Variants in AK4 observed in about 807,000 individuals in gnomAD.
AK4 encodes the protein adenylate kinase 4, mitochondrial.
Under a neutral mutation model 24.6 loss-of-function variants are expected in AK4, and 13 were observed. That is an observed-to-expected ratio of 0.53 (90% confidence interval 0.34 to 0.84). The LOEUF (loss-of-function observed/expected upper bound fraction) is 0.84. AK4 is among the 40% of genes least tolerant of loss of function. The pLI is 0.01. For synonymous variants in AK4, 88 were observed against 107.0 expected (o/e 0.82, Z 1.10); for missense variants, 192 against 288.2 (o/e 0.67, Z 2.42).
chr1:65,197,542 C>G (rs1651518718), intron 2 of AK4, among the ~76,000 whole-genome samples: 1 of 152,200 alleles, frequency 6.6e-6, no homozygotes, highest in African/African-American at 2.4e-5. Context: ...ATGTTGAACA[C>G]TAACAAGTGC....
At chr1:65,152,665 C>T (rs1012800878) in intron 1 of AK4, among the ~76,000 whole-genome samples, 1 of 151,716 alleles carries the variant, frequency 6.6e-6, no homozygotes, top group African/African-American at 2.4e-5. Flanking sequence ...TCCCAAAGTG[C>T]TGGGATTACA....
chr1:65,222,691 A>G (rs1447409537), intron 3 of AK4, among the ~76,000 whole-genome samples: 7 of 152,236 alleles, frequency 4.6e-5, no homozygotes, highest in African/African-American at 1.7e-4. Context: ...ACCATAGAAT[A>G]CACATGTGAT....
In AK4 at chr1:65,224,708, G is replaced by A. The variant is rs181170632; in HGVS notation, c.439-44G>A. The stretch of plus-strand genomic sequence containing the variant: ...AGAAAAGTTTTTAACCTATGAAATG[G>A]CCCAACTGTTGTCTATATTAATTGG... On this transcript the variant is annotated intron_variant, in intron 3 of 4. Coordinates refer to ENST00000327299, the MANE Select transcript of AK4 (RefSeq NM_013410.4). 7 of 1,520,540 alleles carry A rather than the reference G, an allele frequency of 4.6e-6. No homozygotes were observed. In the East Asian group the frequency reaches 1.6e-4, roughly 34 times the overall value. The allele number at this position is 1,520,540 out of a possible 1,614,324, so 94.2% of individuals were successfully genotyped here.
intron 2 of AK4, among the ~76,000 whole-genome samples, chr1:65,217,459 A>T (rs1411934053): frequency 1.3e-5 from 2 of 152,104 alleles, no homozygotes; most frequent in African/African-American, 4.8e-5. Context: ...TGCATCTTTT[A>T]TTATACTTTC....
intron 1 of AK4, among the ~76,000 whole-genome samples, chr1:65,172,961 C>T (rs997600477): frequency 1.2e-4 from 17 of 146,750 alleles, no homozygotes; most frequent in African/African-American, 4.3e-4. Flanking sequence ...TTTCCGAGTT[C>T]AAGCGATTCT....
intron 1 of AK4, among the ~76,000 whole-genome samples, chr1:65,171,380 C>T (rs372646255): frequency 3.4e-5 from 5 of 147,408 alleles, no homozygotes; most frequent in Admixed American, 1.4e-4. Flanking sequence ...GCACAATCTC[C>T]GCACTGCAAC....
chr1:65,210,051 C>T (rs904635285), intron 2 of AK4, among the ~76,000 whole-genome samples: 4 of 152,142 alleles, frequency 2.6e-5, no homozygotes, highest in African/African-American at 7.2e-5. Context: ...CAAGTGAAAT[C>T]CTCTCAAAAT....
intron 2 of AK4, among the ~76,000 whole-genome samples, chr1:65,205,044 G>A (rs1651774066): frequency 6.6e-6 from 1 of 152,124 alleles, no homozygotes; most frequent in Non-Finnish European, 1.5e-5. Context: ...ATTCAACACT[G>A]GGTTGACTGG....
At chr1:65,154,297 G>A (rs1040709627) in intron 1 of AK4, among the ~76,000 whole-genome samples, 40 of 152,320 alleles carry the variant, frequency 2.6e-4, no homozygotes, top group African/African-American at 8.9e-4. Flanking sequence ...GAATCCTAGG[G>A]TTTTGCCCTG....
At chr1:65,187,649 A>T (rs916000532) in intron 1 of AK4, among the ~76,000 whole-genome samples, 7 of 152,184 alleles carry the variant, frequency 4.6e-5, no homozygotes, top group African/African-American at 1.4e-4. Flanking sequence ...GAAGGTGAGG[A>T]TCTTATGAAG....
intron 1 of AK4, among the ~76,000 whole-genome samples, chr1:65,152,505 C>T (rs1418781460): frequency 2.1e-5 from 3 of 141,618 alleles, no homozygotes; most frequent in African/African-American, 7.9e-5. Context: ...CAGGTTCAAG[C>T]GATTCTTCTG....
At chr1:65,219,042 C>A in intron 3 of AK4, 116 bp downstream of exon 3, 3 of 682,922 alleles carry the variant, frequency 4.4e-6, no homozygotes, top group Non-Finnish European at 6.5e-6. Flanking sequence ...TCTACATGAC[C>A]AAAAAACATT....
intron 2 of AK4, among the ~76,000 whole-genome samples, chr1:65,212,771 A>G (rs12568459): frequency 0.4 from 60,602 of 152,058 alleles, 12,487 homozygotes; most frequent in East Asian, 0.67. Context: ...GAAAGAGAGA[A>G]CACTTTAGCA....
chr1:65,152,340 CTCTCTCTCTCTCTCTCTCTCTA>C (rs1465712275), intron 1 of AK4, among the ~76,000 whole-genome samples: 32 of 42,026 alleles, frequency 7.6e-4, no homozygotes, highest in African/African-American at 3.2e-3. Context: ...CTCTCTCTCT[CTCTCTCTCTCTCTCTCTCTCTA>C]TATATATATA....
intron 2 of AK4, among the ~76,000 whole-genome samples, chr1:65,198,972 T>C: frequency 6.6e-6 from 1 of 151,318 alleles, no homozygotes; most frequent in East Asian, 2.0e-4. Context: ...TCACAGCTTG[T>C]CAGAGGCTGA....
chr1:65,224,161 A>G (rs1431492432), intron 3 of AK4, among the ~76,000 whole-genome samples: 1 of 152,210 alleles, frequency 6.6e-6, no homozygotes, highest in African/African-American at 2.4e-5. Context: ...AGGTGAGGAC[A>G]CAGTCACTTC....
intron 1 of AK4, among the ~76,000 whole-genome samples, chr1:65,166,884 C>T (rs1194360992): frequency 1.3e-5 from 2 of 152,238 alleles, no homozygotes; most frequent in Non-Finnish European, 2.9e-5. Context: ...GTAATCCCAG[C>T]ACTTTGGAAG....
At chr1:65,159,647 T>C (rs1021935902) in intron 1 of AK4, among the ~76,000 whole-genome samples, 1 of 150,476 alleles carries the variant, frequency 6.6e-6, no homozygotes, top group Non-Finnish European at 1.5e-5. Context: ...CACCCCAGTC[T>C]GGGCAACAGA....
At chr1:65,173,698 C>T (rs1650616565) in intron 1 of AK4, among the ~76,000 whole-genome samples, 1 of 151,982 alleles carries the variant, frequency 6.6e-6, no homozygotes, top group South Asian at 2.1e-4. Flanking sequence ...CTCATCTCTA[C>T]AAAATACAAA....
Sources: gnomAD v4.1 joint callset for allele counts (sites outside exome capture counted in the v4.1 genomes callset) on GRCh38, gnomAD v4.1.1 for gene constraint, MANE v1.5 for transcripts, NCBI Gene and HGNC (gene_info 2026-07-23, HGNC 2026-07-21) for gene names.